C2CD3: variants seen among roughly 807,000 people sequenced by gnomAD.
C2CD3 encodes the protein C2 domain-containing protein 3.
C2CD3 carries 148 observed loss-of-function variants against 234.0 expected under a neutral mutation model. The observed-to-expected ratio is 0.63, with a 90% CI of 0.55 to 0.72. C2CD3 has a LOEUF of 0.72. Among genes scored for constraint, C2CD3 ranks in the 30% least tolerant of loss-of-function variants. The pLI, the probability that C2CD3 is intolerant of heterozygous loss-of-function variation, is 0.00. For missense variants in C2CD3, 2,577 were observed against 2,811.5 expected (o/e 0.92, Z 1.89); for synonymous variants, 1,000 against 1,035.4 (o/e 0.97, Z 0.66).
At chr11:74,084,827 A>G in intron 22 of C2CD3, 54 bp downstream of exon 22, 1 of 1,023,152 alleles carries the variant, frequency 9.8e-7, no homozygotes, top group Admixed American at 1.7e-5. Flanking sequence ...TACCTCTTGT[A>G]GGGAAGTGAA....
At chr11:74,071,970 A>G (rs1423804471) in intron 24 of C2CD3, among the ~76,000 whole-genome samples, 1 of 152,178 alleles carries the variant, frequency 6.6e-6, no homozygotes, top group East Asian at 1.9e-4. Context: ...CCTAAAATGT[A>G]ACATATACCA....
intron 10 of C2CD3, 68 bp downstream of exon 10, chr11:74,114,316 G>T: frequency 9.6e-7 from 1 of 1,037,416 alleles, no homozygotes; most frequent in Non-Finnish European, 1.5e-6. Flanking sequence ...TTATGCAATT[G>T]TTGATTATTA....
At chr11:74,159,378 C>T (rs1220130196) in intron 3 of C2CD3, among the ~76,000 whole-genome samples, 1 of 151,994 alleles carries the variant, frequency 6.6e-6, no homozygotes, top group African/African-American at 2.4e-5. Flanking sequence ...CAGAAGAAGG[C>T]ACTGTTATCA....
At chr11:74,058,479 T>C (rs1268976473) in intron 24 of C2CD3, among the ~76,000 whole-genome samples, 1 of 152,214 alleles carries the variant, frequency 6.6e-6, no homozygotes, top group Non-Finnish European at 1.5e-5. Context: ...TCTATCATTA[T>C]TATTTCTATC....
At chr11:74,124,072 A>G (rs1957317328) in intron 7 of C2CD3, among the ~76,000 whole-genome samples, 1 of 151,940 alleles carries the variant, frequency 6.6e-6, no homozygotes, top group Non-Finnish European at 1.5e-5. Flanking sequence ...TAAATTCCAT[A>G]TTTTCCCTCA....
chr11:74,028,165 A>C, intron 32 of C2CD3, 122 bp downstream of exon 32: 1 of 692,154 alleles, frequency 1.4e-6, no homozygotes, highest in Admixed American at 2.8e-5. Flanking sequence ...TACAAACTTG[A>C]GGAGTGACCC....
intron 2 of C2CD3, among the ~76,000 whole-genome samples, chr11:74,163,259 C>T (rs1228715676): frequency 6.6e-6 from 1 of 152,200 alleles, no homozygotes; most frequent in Admixed American, 6.5e-5. Context: ...ATAATATTCG[C>T]ATCACTGCTG....
At chr11:74,069,508 G>A (rs938550754) in intron 24 of C2CD3, among the ~76,000 whole-genome samples, 15 of 152,150 alleles carry the variant, frequency 9.9e-5, no homozygotes, top group African/African-American at 3.6e-4. Context: ...TAGATAATGC[G>A]TTACAGCTTG....
intron 21 of C2CD3, among the ~76,000 whole-genome samples, chr11:74,085,192 C>A (rs1325162577): frequency 6.7e-6 from 1 of 148,334 alleles, no homozygotes; most frequent in Non-Finnish European, 1.5e-5. Flanking sequence ...GGCTGGAATG[C>A]AGTGGTGCAA....
At chr11:74,053,431 AC>A (rs1316717550) in intron 26 of C2CD3, among the ~76,000 whole-genome samples, 1 of 152,238 alleles carries the variant, frequency 6.6e-6, no homozygotes, top group East Asian at 1.9e-4. Context: ...CCAAGGTCAC[AC>A]TGCTAAAGTA....
intron 9 of C2CD3, among the ~76,000 whole-genome samples, chr11:74,117,705 G>C (rs1403009709): frequency 6.6e-6 from 1 of 151,902 alleles, no homozygotes; most frequent in Non-Finnish European, 1.5e-5. Context: ...CCTGAGGTTG[G>C]GAGTTCAAGA....
At chr11:74,089,555 G>A (rs1955796123) in intron 20 of C2CD3, among the ~76,000 whole-genome samples, 2 of 152,166 alleles carry the variant, frequency 1.3e-5, no homozygotes. Flanking sequence ...AGTTATAGGT[G>A]AACAGTTTGA....
At chr11:74,139,915 CCCCCA>C (rs1957993942) in intron 3 of C2CD3, 87 bp from the exon 4 acceptor site, 2 of 706,888 alleles carry the variant, frequency 2.8e-6, no homozygotes, top group East Asian at 5.3e-5. Context: ...TAATTAATGT[CCCCCA>C]TTCCCTACAG....
At chr11:74,125,310 G>C (rs1000728301) in intron 7 of C2CD3, among the ~76,000 whole-genome samples, 7 of 152,190 alleles carry the variant, frequency 4.6e-5, no homozygotes, top group East Asian at 3.9e-4. Flanking sequence ...TAGGATTACA[G>C]GTGCACACCA....
rs558582836 is a variant in C2CD3 at position 74,106,389 on chromosome 11, A to G, written c.2067T>C (p.Ser689=). 1 of 1,614,098 alleles carries G rather than the reference A, an allele frequency of 6.2e-7. No individual in the cohort carries two copies. Among genetic ancestry groups the G allele is most frequent in the Non-Finnish European group, 8.5e-7 (1 of 1,179,932 alleles). The change falls in exon 13 of 33, where the codon TCT becomes TCC. Residue 689 remains serine (S), a synonymous_variant. Transcript: ENST00000334126. ...QLPVQQENGQ[S]PFGPLKVTME... Reference sequence around the variant, plus strand: ...TACATACCTTGAGGGGGCCAAATGGAGACTGACCATTTTCTTGTTGCACTG... The same window carrying G: ...TACATACCTTGAGGGGGCCAAATGGGGACTGACCATTTTCTTGTTGCACTG...
chr11:74,032,815 T>C (rs1166689733), intron 31 of C2CD3, among the ~76,000 whole-genome samples: 4 of 151,606 alleles, frequency 2.6e-5, no homozygotes, highest in East Asian at 1.9e-4. Flanking sequence ...CAGTGAGGTA[T>C]GGTAATAACC....
At chr11:74,148,593 AT>A (rs961123937) in intron 3 of C2CD3, among the ~76,000 whole-genome samples, 9 of 151,582 alleles carry the variant, frequency 5.9e-5, no homozygotes, top group African/African-American at 2.2e-4. Flanking sequence ...TGACTCATTT[AT>A]TTTTTTTGAC....
intron 3 of C2CD3, among the ~76,000 whole-genome samples, chr11:74,151,179 CT>C (rs1208392873): frequency 6.6e-6 from 1 of 152,204 alleles, no homozygotes; most frequent in Non-Finnish European, 1.5e-5. Flanking sequence ...CCGCCTCGGC[CT>C]CCCAAAGTGC....
Position 74,161,229 on chromosome 11 carries a change from A to G in C2CD3, c.483+170T>C, listed in dbSNP as rs1856439228. 2.0e-5 allele frequency among the ~76,000 whole-genome samples: 3 copies of G among 152,198 alleles called. No individual in the cohort carries two copies. In the South Asian group the frequency reaches 6.2e-4, roughly 32 times the overall value. On this transcript the variant is annotated intron_variant, in intron 3 of 32. Transcript: ENST00000334126. The stretch of plus-strand genomic sequence containing the variant: ...GCACTAAGGCACTAAGAGGATTTGG[A>G]TAAGTGGGAAACAAAAGTAGGTCTA...
Sources: gnomAD v4.1 joint callset for allele counts (sites outside exome capture counted in the v4.1 genomes callset) on GRCh38, gnomAD v4.1.1 for gene constraint, MANE v1.5 for transcripts, NCBI Gene and HGNC (gene_info 2026-07-23, HGNC 2026-07-21) for gene names.